The following ASTN2 variants were observed in gnomAD, a reference collection of about 807,000 sequenced individuals.
ASTN2 encodes the protein astrotactin-2.
A neutral mutation model predicts 139.8 loss-of-function variants in ASTN2; 54 were observed. The ratio of observed to expected loss-of-function variants is 0.39; its 90% confidence interval spans 0.31 to 0.48. The LOEUF is 0.48. Among genes scored for constraint, ASTN2 ranks in the 20% least tolerant of loss-of-function variants. The pLI, the probability that ASTN2 is intolerant of heterozygous loss-of-function variation, is 0.95. For synonymous variants in ASTN2, 756 were observed against 719.5 expected (o/e 1.05, Z -0.81); for missense variants, 1,565 against 1,725.1 (o/e 0.91, Z 1.64).
intron 4 of ASTN2, among the ~76,000 whole-genome samples, chr9:117,126,538 G>A (rs972221137): frequency 2.0e-5 from 3 of 152,150 alleles, no homozygotes; most frequent in Non-Finnish European, 4.4e-5. Flanking sequence ...TCAGATATAT[G>A]TCCCAAATTA....
In ASTN2 at chr9:116,698,067, C is replaced by T. The variant is rs776796546; in HGVS notation, c.2806+27704G>A. 37 of 1,613,920 alleles carry T rather than the reference C, an allele frequency of 2.3e-5. No individual in the cohort carries two copies. Among genetic ancestry groups the T allele is most frequent in the Non-Finnish European group, 2.9e-5 (34 of 1,180,042 alleles). On this transcript the variant is annotated intron_variant, in intron 16 of 22. Transcript: ENST00000313400. This position sits in a 1 kb window ranked among gnomAD's most constrained non-coding sequence, Gnocchi z 4.4. ...TCGGTCCTGTGGGCGGCGTCTGCCCCGGCAATTCTGCCGGAGCTGTGGTTT... is the reference window on the plus strand; with the variant it reads ...TCGGTCCTGTGGGCGGCGTCTGCCCTGGCAATTCTGCCGGAGCTGTGGTTT...
intron 1 of ASTN2, among the ~76,000 whole-genome samples, chr9:117,356,234 T>G (rs181948862): frequency 6.6e-6 from 1 of 152,310 alleles, no homozygotes; most frequent in East Asian, 1.9e-4. Flanking sequence ...AAAGCAAAAG[T>G]CTTCATCATA....
intron 2 of ASTN2, among the ~76,000 whole-genome samples, chr9:117,287,083 A>G (rs2184541): frequency 0.44 from 67,318 of 152,066 alleles, 15,240 homozygotes; most frequent in East Asian, 0.57. Flanking sequence ...TGGAACAATT[A>G]GATGAAATAA....
chr9:117,404,319 G>T (rs550848136), intron 1 of ASTN2, among the ~76,000 whole-genome samples: 2 of 152,220 alleles, frequency 1.3e-5, no homozygotes, highest in South Asian at 4.1e-4. Flanking sequence ...CAGGGCTTTT[G>T]GTCCTCAGAC....
chr9:116,674,835 T>C (rs905703446), intron 16 of ASTN2, among the ~76,000 whole-genome samples: 2 of 152,184 alleles, frequency 1.3e-5, no homozygotes, highest in Non-Finnish European at 2.9e-5. Flanking sequence ...TCAGCACTCC[T>C]GGCTCACTGG....
intron 13 of ASTN2, among the ~76,000 whole-genome samples, chr9:116,803,507 TA>T (rs1564276142): frequency 0.028 from 216 of 7,650 alleles, 1 homozygote; most frequent in Non-Finnish European, 0.039. Context: ...TATATATATA[TA>T]TATATATATA....
chr9:116,460,435 C>G (rs1848452155), intron 20 of ASTN2, among the ~76,000 whole-genome samples: 1 of 152,034 alleles, frequency 6.6e-6, no homozygotes, highest in African/African-American at 2.4e-5. Flanking sequence ...ACAGAAAAAC[C>G]AAAACCAGTG....
intron 20 of ASTN2, among the ~76,000 whole-genome samples, chr9:116,462,248 C>A (rs1377214760): frequency 6.6e-6 from 1 of 152,166 alleles, no homozygotes; most frequent in Non-Finnish European, 1.5e-5. Context: ...TCTAACTTCA[C>A]CACAATCCCA....
At chr9:117,116,748 G>A (rs889278220) in intron 4 of ASTN2, among the ~76,000 whole-genome samples, 1 of 130,570 alleles carries the variant, frequency 7.7e-6, no homozygotes, top group Admixed American at 9.2e-5. Flanking sequence ...GTGGCCAGTA[G>A]AGTTATTTCC....
At chr9:117,362,883 T>C (rs1298923968) in intron 1 of ASTN2, among the ~76,000 whole-genome samples, 6 of 152,122 alleles carry the variant, frequency 3.9e-5, no homozygotes, top group African/African-American at 1.4e-4. Flanking sequence ...TTTTCCTGGC[T>C]CTCTAGTCAT....
intron 19 of ASTN2, among the ~76,000 whole-genome samples, chr9:116,541,005 T>C (rs1431233773): frequency 6.7e-6 from 1 of 149,394 alleles, no homozygotes; most frequent in East Asian, 2.0e-4. Flanking sequence ...CCACATCTAA[T>C]GAAAAAAAAA....
chr9:116,725,118 T>G (rs1331603424), intron 16 of ASTN2, among the ~76,000 whole-genome samples: 2 of 152,186 alleles, frequency 1.3e-5, no homozygotes, highest in South Asian at 4.1e-4. Flanking sequence ...GCTACTTACG[T>G]ACCCATTTCA....
chr9:117,255,815 G>C (rs1833671485), intron 2 of ASTN2, among the ~76,000 whole-genome samples: 1 of 152,182 alleles, frequency 6.6e-6, no homozygotes, highest in Non-Finnish European at 1.5e-5. Flanking sequence ...GCTCTCTCTA[G>C]AGAAGCTTTC....
At chr9:116,911,568 T>C (rs910316574) in intron 10 of ASTN2, among the ~76,000 whole-genome samples, 8 of 152,216 alleles carry the variant, frequency 5.3e-5, no homozygotes, top group Non-Finnish European at 7.3e-5. Context: ...GGTTTCTTAG[T>C]TTTTACAACT....
At chr9:116,934,126 A>G (rs1407968151) in intron 10 of ASTN2, among the ~76,000 whole-genome samples, 2 of 151,838 alleles carry the variant, frequency 1.3e-5, no homozygotes, top group Non-Finnish European at 2.9e-5. Flanking sequence ...TAACAAAACC[A>G]CACAGTGTGC....
intron 19 of ASTN2, among the ~76,000 whole-genome samples, chr9:116,556,652 C>A (rs186255163): frequency 6.6e-6 from 1 of 152,120 alleles, no homozygotes; most frequent in Non-Finnish European, 1.5e-5. Flanking sequence ...CTCAATTTGA[C>A]GATGACCAAT....
At chr9:116,935,434 A>G (rs1286683879) in intron 10 of ASTN2, among the ~76,000 whole-genome samples, 1 of 152,248 alleles carries the variant, frequency 6.6e-6, no homozygotes, top group Non-Finnish European at 1.5e-5. Context: ...AAAGTAAGCT[A>G]TGAACCTAGT....
intron 16 of ASTN2, among the ~76,000 whole-genome samples, chr9:116,677,701 C>T (rs1859594293): frequency 6.6e-6 from 1 of 152,200 alleles, no homozygotes; most frequent in Admixed American, 6.5e-5. Flanking sequence ...GGTAGAAGCA[C>T]TGCACTGTCT....
intron 13 of ASTN2, among the ~76,000 whole-genome samples, chr9:116,803,520 ATATTTT>A (rs1439486376): frequency 2.5e-4 from 1 of 4,056 alleles, no homozygotes; most frequent in African/African-American, 1.1e-3. Context: ...ATATATATAT[ATATTTT>A]TTTTTTTTTT....
Sources: allele counts gnomAD v4.1 joint callset (sites outside exome capture counted in the v4.1 genomes callset), GRCh38; gene constraint gnomAD v4.1.1; non-coding constraint Gnocchi (gnomAD v3.1); transcripts MANE v1.5; gene names NCBI Gene and HGNC (gene_info 2026-07-23, HGNC 2026-07-21).